Variants in RAB38 observed in about 807,000 individuals in gnomAD.
RAB38 encodes the protein ras-related protein Rab-38.
RAB38 carries 15 observed loss-of-function variants against 18.4 expected under a neutral mutation model. The observed-to-expected ratio is 0.82, with a 90% CI of 0.55 to 1.26. The LOEUF is 1.26. Ranked by LOEUF, RAB38 falls within the 50% of genes most tolerant of loss-of-function variation. The probability of loss-of-function intolerance (pLI) is 0.00; values close to 1 mark genes in which losing one functional copy is unlikely to be tolerated. For synonymous variants in RAB38, 101 were observed against 104.4 expected, an observed-to-expected ratio of 0.97 and a Z score of 0.20; for missense variants, 294 against 267.4, an observed-to-expected ratio of 1.10 and a Z score of -0.69.
In RAB38 at chr11:88,158,596, T is replaced by A. The variant is rs142398654; in HGVS notation, c.203-8641A>T. On this transcript the variant is annotated intron_variant, in intron 1 of 2. Coordinates refer to ENST00000243662, the MANE Select transcript of RAB38 (RefSeq NM_022337.3). ...TCACTATGATCAAATAGTGCAAGGATGCAAGGTTGCTTCAACATATATAAA... is the reference window on the plus strand; with the variant it reads ...TCACTATGATCAAATAGTGCAAGGAAGCAAGGTTGCTTCAACATATATAAA... Among the ~76,000 whole-genome samples, 489 of 152,162 alleles carry A rather than the reference T, an allele frequency of 3.2e-3. 6 individuals are homozygous for A. The highest frequency in any genetic ancestry group is 1.9e-3 in the East Asian group (10 of 5,182).
the RAB38 span, among the ~76,000 whole-genome samples, chr11:87,901,123 G>T: frequency 6.6e-6 from 1 of 151,502 alleles, no homozygotes. Flanking sequence ...CAATGGAAGT[G>T]ATGTTAAAAT....
intron 2 of RAB38, among the ~76,000 whole-genome samples, chr11:88,131,324 T>A (rs1942765392): frequency 6.6e-6 from 1 of 152,210 alleles, no homozygotes; most frequent in African/African-American, 2.4e-5. Flanking sequence ...TTTTTTTCCA[T>A]TATTAATTTC....
At chr11:87,891,863 A>G in the RAB38 span, among the ~76,000 whole-genome samples, 1 of 151,780 alleles carries the variant, frequency 6.6e-6, no homozygotes, top group Non-Finnish European at 1.5e-5. Flanking sequence ...CCTTTATAAG[A>G]CAATAATGCA....
At chr11:87,871,403 C>A in the RAB38 span, among the ~76,000 whole-genome samples, 1 of 151,570 alleles carries the variant, frequency 6.6e-6, no homozygotes, top group Non-Finnish European at 1.5e-5. Context: ...ATATATGTTA[C>A]GTGATAAGAT....
chr11:88,070,918 G>A, the RAB38 span, among the ~76,000 whole-genome samples: 1 of 152,182 alleles, frequency 6.6e-6, no homozygotes. Context: ...GAAGGAAATG[G>A]CTGCCATAAT....
the RAB38 span, among the ~76,000 whole-genome samples, chr11:88,060,784 A>G: frequency 6.6e-6 from 1 of 152,200 alleles, no homozygotes; most frequent in South Asian, 2.1e-4. Context: ...TTCTCCAAAT[A>G]TTGTTCCATT....
the RAB38 span, among the ~76,000 whole-genome samples, chr11:88,047,755 A>T: frequency 6.6e-6 from 1 of 152,232 alleles, no homozygotes; most frequent in Non-Finnish European, 1.5e-5. Flanking sequence ...TATGCCGGTA[A>T]GATAGCTAAA....
chr11:87,954,504 A>T, the RAB38 span, among the ~76,000 whole-genome samples: 14 of 151,550 alleles, frequency 9.2e-5, no homozygotes, highest in Non-Finnish European at 2.1e-4. Flanking sequence ...TCAAGTCTCA[A>T]TACCTACTGA....
chr11:87,852,407 C>A, the RAB38 span, among the ~76,000 whole-genome samples: 1 of 152,132 alleles, frequency 6.6e-6, no homozygotes, highest in African/African-American at 2.4e-5. Flanking sequence ...TCACAACTGA[C>A]TGTTGAAAAC....
the RAB38 span, among the ~76,000 whole-genome samples, chr11:88,079,295 C>T: frequency 0.78 from 118,432 of 151,638 alleles, 46,565 homozygotes; most frequent in African/African-American, 0.87. Context: ...AATTATTATT[C>T]AAAAATGTCA....
chr11:87,837,590 T>C, the RAB38 span, among the ~76,000 whole-genome samples: 1 of 152,380 alleles, frequency 6.6e-6, no homozygotes, highest in South Asian at 2.1e-4. Context: ...TAATGTTTAC[T>C]GAGAATCAGT....
chr11:88,076,276 C>T, the RAB38 span, among the ~76,000 whole-genome samples: 1 of 151,958 alleles, frequency 6.6e-6, no homozygotes, highest in African/African-American at 2.4e-5. Flanking sequence ...AAACATACCT[C>T]AAATAATAAA....
At chr11:87,948,592 G>T in the RAB38 span, among the ~76,000 whole-genome samples, 132 of 152,156 alleles carry the variant, frequency 8.7e-4, no homozygotes, top group African/African-American at 3.1e-3. Flanking sequence ...TTTATTGAGA[G>T]TTTTTAGCAT....
At chr11:87,820,858 C>G in the RAB38 span, among the ~76,000 whole-genome samples, 1 of 152,048 alleles carries the variant, frequency 6.6e-6, no homozygotes, top group Non-Finnish European at 1.5e-5. Context: ...GTTTAAATAG[C>G]ACAGGTAGCT....
At chr11:88,172,108 G>A (rs771058323) in intron 1 of RAB38, among the ~76,000 whole-genome samples, 41 of 152,242 alleles carry the variant, frequency 2.7e-4, no homozygotes, top group Non-Finnish European at 4.7e-4. Flanking sequence ...CAAACAGCAA[G>A]GCTTGACTCT....
chr11:88,042,163 GA>G, the RAB38 span, among the ~76,000 whole-genome samples: 1 of 152,108 alleles, frequency 6.6e-6, no homozygotes, highest in Admixed American at 6.5e-5. Flanking sequence ...CCATTTCTAA[GA>G]AATCATAGGT....
intron 2 of RAB38, among the ~76,000 whole-genome samples, chr11:88,148,679 A>G (rs1021625666): frequency 3.3e-5 from 5 of 152,232 alleles, no homozygotes; most frequent in African/African-American, 4.8e-5. Flanking sequence ...TGTGAACTCC[A>G]TAAGTACGGA....
chr11:87,972,608 A>G, the RAB38 span, among the ~76,000 whole-genome samples: 33 of 152,152 alleles, frequency 2.2e-4, no homozygotes, highest in South Asian at 2.1e-4. Context: ...GTTCATCAAT[A>G]AGCAGCTAAT....
At chr11:88,027,369 G>A in the RAB38 span, among the ~76,000 whole-genome samples, 4 of 152,256 alleles carry the variant, frequency 2.6e-5, no homozygotes, top group South Asian at 8.3e-4. Context: ...CAGACAGTGG[G>A]CGCAGGTCAG....
Sources: gnomAD v4.1 joint callset for allele counts (sites outside exome capture counted in the v4.1 genomes callset) on GRCh38, gnomAD v4.1.1 for gene constraint, MANE v1.5 for transcripts, NCBI Gene and HGNC (gene_info 2026-07-23, HGNC 2026-07-21) for gene names.